CCDC171: variants seen among roughly 807,000 people sequenced by gnomAD.
The protein encoded by CCDC171 is coiled-coil domain containing 171.
Under a neutral mutation model 168.2 loss-of-function variants are expected in CCDC171, and 177 were observed. The ratio of observed to expected loss-of-function variants is 1.05; its 90% CI spans 0.93 to 1.19. The LOEUF is 1.19. CCDC171 is among the 50% of genes most tolerant of loss of function. The pLI, the probability that CCDC171 is intolerant of heterozygous loss-of-function variation, is 0.00. For missense variants in CCDC171, 1,991 were observed against 1,539.0 expected (o/e 1.29, Z -4.91); for synonymous variants, 687 against 540.8 (o/e 1.27, Z -3.75).
intron 23 of CCDC171, among the ~76,000 whole-genome samples, chr9:15,854,151 T>A (rs1225639035): frequency 3.3e-5 from 5 of 151,468 alleles, no homozygotes; most frequent in Non-Finnish European, 7.4e-5. Context: ...TCTCTTCATT[T>A]TTTTTCAAGA....
At chr9:15,697,541 T>G (rs1401218841) in intron 11 of CCDC171, among the ~76,000 whole-genome samples, 1 of 152,212 alleles carries the variant, frequency 6.6e-6, no homozygotes, top group Non-Finnish European at 1.5e-5. Context: ...TGGACTCTGT[T>G]TCTGCTCAGA....
intron 8 of CCDC171, 55 bp from the exon 9 acceptor site, chr9:15,666,108 A>G (rs533218926): frequency 4.0e-6 from 6 of 1,490,848 alleles, no homozygotes. Flanking sequence ...ACTCAATTTA[A>G]GATTGATGCT....
chr9:15,651,864 G>T (rs187024920), intron 7 of CCDC171, among the ~76,000 whole-genome samples: 2 of 152,156 alleles, frequency 1.3e-5, no homozygotes, highest in East Asian at 3.9e-4. Flanking sequence ...TTATGCTTGT[G>T]CTTTTGCTAT....
In CCDC171 at chr9:15,724,043, A is replaced by G. The variant is rs184661378; in HGVS notation, c.1491+297A>G. On this transcript the variant is annotated intron_variant, in intron 13 of 25. Coordinates refer to ENST00000380701, the MANE Select transcript of CCDC171 (RefSeq NM_173550.4). The stretch of plus-strand genomic sequence containing the variant: ...TATTTAAGATGAAATGTCCAGCCTT[A>G]GGTACGTACTAAACATATTTTACAT... Among the ~76,000 whole-genome samples the G allele has an allele frequency of 5.3e-5, 8 of 152,306 alleles. No homozygotes were observed. The East Asian group carries it at 1.2e-3, about 22-fold the overall frequency.
chr9:15,620,249 T>C lies in CCDC171; in HGVS notation c.676-3018T>C, dbSNP rs1387145114. On this transcript the variant is annotated intron_variant, in intron 6 of 25. Transcript: ENST00000380701. ...CTGACATAGATAGTGACTCCTTTGA[T>C]GGATCTAGGCAAATTAAATTGAAAA... 1.3e-5 allele frequency among the ~76,000 whole-genome samples: 2 copies of C among 152,236 alleles called. 1 individual carries two copies. The highest frequency in any genetic ancestry group is 4.8e-5 in the African/African-American group (2 of 41,458).
At chr9:15,714,703 T>C (rs1198463031) in intron 11 of CCDC171, among the ~76,000 whole-genome samples, 1 of 152,184 alleles carries the variant, frequency 6.6e-6, no homozygotes, top group East Asian at 1.9e-4. Context: ...CAGAGACCCA[T>C]CGTCTTTATT....
the CCDC171 span, among the ~76,000 whole-genome samples, chr9:16,093,084 A>G: frequency 2.0e-5 from 3 of 152,344 alleles, no homozygotes; most frequent in Admixed American, 2.0e-4. Flanking sequence ...AAGCAGGAAA[A>G]CAAACCACGG....
intron 6 of CCDC171, among the ~76,000 whole-genome samples, chr9:16,029,413 G>C (rs10810519): frequency 0.37 from 57,009 of 152,072 alleles, 12,566 homozygotes; most frequent in East Asian, 0.63. Flanking sequence ...TTTGTCTCTA[G>C]AGGAACTCTG....
chr9:16,011,922 C>T (rs7031840), intron 3 of CCDC171, among the ~76,000 whole-genome samples: 49,763 of 151,928 alleles, frequency 0.33, 8,428 homozygotes, highest in Non-Finnish European at 0.36. Context: ...ACTTTGTCAC[C>T]GATACTGGGA....
chr9:15,702,006 A>G (rs1564244203), intron 11 of CCDC171, among the ~76,000 whole-genome samples: 1 of 152,186 alleles, frequency 6.6e-6, no homozygotes, highest in African/African-American at 2.4e-5. Flanking sequence ...TGAAAGTAAA[A>G]ATTACTTCTT....
chr9:16,063,197 T>C (rs186270195), downstream of CCDC171, among the ~76,000 whole-genome samples: 2 of 152,134 alleles, frequency 1.3e-5, no homozygotes, highest in East Asian at 3.9e-4. Flanking sequence ...TTCCTAAGCA[T>C]TTAAGGGGTG....
At chr9:15,904,522 G>T (rs978643728) in intron 24 of CCDC171, among the ~76,000 whole-genome samples, 8 of 151,758 alleles carry the variant, frequency 5.3e-5, no homozygotes, top group African/African-American at 1.7e-4. Context: ...CCTGAAGGAA[G>T]CACTAAACAT....
At chr9:16,095,480 G>A in the CCDC171 span, among the ~76,000 whole-genome samples, 6 of 151,584 alleles carry the variant, frequency 4.0e-5, no homozygotes, top group African/African-American at 1.2e-4. Flanking sequence ...CCACTCTTTC[G>A]TTTTCTCTAT....
At position 15,729,741 on chromosome 9, in the gene CCDC171, G is replaced by T; in HGVS notation, c.1992G>T (p.Lys664Asn). 6.2e-7 allele frequency: 1 copy of T among 1,613,384 alleles called. No individual in the cohort carries two copies. The highest frequency in any genetic ancestry group is 8.5e-7 in the Non-Finnish European group (1 of 1,179,484). Residue 664 changes from lysine to asparagine, a missense_variant, in exon 16 of 26, where the codon AAG becomes AAT. Physicochemically the swap from Lys to Asn is moderately conservative, Grantham distance 94. Transcript: ENST00000380701. ...KAQESCWHRQKKELELQYSEL... is the reference protein window; with the variant it reads ...KAQESCWHRQNKELELQYSEL... ...AAGAGAGCTGCTGGCACAGACAAAA[G>T]AAGGAACTAGAGCTGCAGTATTCTG...
At chr9:15,871,361 A>T (rs2062031819) in intron 23 of CCDC171, among the ~76,000 whole-genome samples, 1 of 151,878 alleles carries the variant, frequency 6.6e-6, no homozygotes, top group Non-Finnish European at 1.5e-5. Context: ...TATTATAAAC[A>T]TAATTAAAGA....
chr9:16,078,566 A>T, the CCDC171 span, among the ~76,000 whole-genome samples: 1 of 152,176 alleles, frequency 6.6e-6, no homozygotes, highest in African/African-American at 2.4e-5. Flanking sequence ...ATTTGATTTG[A>T]CAGATACCAG....
At chr9:16,060,107 A>G (rs1331625810) in intron 1 of CCDC171, among the ~76,000 whole-genome samples, 1 of 152,154 alleles carries the variant, frequency 6.6e-6, no homozygotes, top group African/African-American at 2.4e-5. Flanking sequence ...GTAAATTTGT[A>G]TTTAATTGTG....
chr9:15,822,589 C>T (rs1212182319), intron 21 of CCDC171, among the ~76,000 whole-genome samples: 2 of 152,166 alleles, frequency 1.3e-5, no homozygotes, highest in South Asian at 2.1e-4. Context: ...AAAAAATGCT[C>T]ATCATCACTG....
At chr9:15,639,869 G>A (rs1416433747) in intron 7 of CCDC171, among the ~76,000 whole-genome samples, 1 of 152,132 alleles carries the variant, frequency 6.6e-6, no homozygotes, top group African/African-American at 2.4e-5. Context: ...CAGATGAATT[G>A]TAGTTCAGAG....
Sources: allele counts gnomAD v4.1 joint callset (sites outside exome capture counted in the v4.1 genomes callset), GRCh38; gene constraint gnomAD v4.1.1; transcripts MANE v1.5; gene names NCBI Gene and HGNC (gene_info 2026-07-23, HGNC 2026-07-21).